Variants in CHST11 observed in about 807,000 individuals in gnomAD.
The protein encoded by CHST11 is C4S-1.
CHST11 carries 9 observed loss-of-function variants against 30.4 expected under a neutral mutation model. The observed-to-expected ratio is 0.30, with a 90% CI of 0.18 to 0.52. CHST11 has a LOEUF of 0.52. CHST11 is among the 20% of genes least tolerant of loss of function. The pLI is 0.97. For missense variants in CHST11, 348 were observed against 460.6 expected, an observed-to-expected ratio of 0.76 and a Z score of 2.24; for synonymous variants, 152 against 187.8, an observed-to-expected ratio of 0.81 and a Z score of 1.56.
At chr12:104,675,346 C>T (rs745950069) in intron 2 of CHST11, among the ~76,000 whole-genome samples, 44 of 152,192 alleles carry the variant, frequency 2.9e-4, no homozygotes, top group Non-Finnish European at 5.9e-5. Context: ...CTCATGTGCC[C>T]TCTCTACAAG....
intron 2 of CHST11, among the ~76,000 whole-genome samples, chr12:104,702,162 T>C (rs1592847401): frequency 6.6e-6 from 1 of 152,348 alleles, no homozygotes; most frequent in South Asian, 2.1e-4. Context: ...TAGTGTTTAA[T>C]TCACCCTACC....
chr12:104,538,014 G>C (rs1329840725), intron 1 of CHST11, among the ~76,000 whole-genome samples: 2 of 152,042 alleles, frequency 1.3e-5, no homozygotes, highest in Admixed American at 6.6e-5. Flanking sequence ...ACATTAGTAT[G>C]GTACATTTGT....
intron 1 of CHST11, among the ~76,000 whole-genome samples, chr12:104,511,972 C>T (rs1023139429): frequency 2.0e-5 from 3 of 152,162 alleles, no homozygotes; most frequent in Admixed American, 1.3e-4. Flanking sequence ...TACTTTAAGT[C>T]ATCTCCAGAT....
intron 2 of CHST11, among the ~76,000 whole-genome samples, chr12:104,636,168 A>T (rs2039321656): frequency 6.6e-6 from 1 of 152,212 alleles, no homozygotes; most frequent in Admixed American, 6.5e-5. Context: ...AGGCCAGATC[A>T]GATCCAAGCA....
intron 2 of CHST11, among the ~76,000 whole-genome samples, chr12:104,733,620 A>C (rs1318644350): frequency 6.6e-6 from 1 of 152,248 alleles, no homozygotes; most frequent in Non-Finnish European, 1.5e-5. Context: ...AGTTCTTGTC[A>C]TCAAAAGTAA....
At chr12:104,497,597 G>A (rs1238059076) in intron 1 of CHST11, among the ~76,000 whole-genome samples, 1 of 152,154 alleles carries the variant, frequency 6.6e-6, no homozygotes, top group Admixed American at 6.5e-5. Flanking sequence ...TTTACATCCT[G>A]TTTTCTCTAC....
chr12:104,653,121 T>G (rs192946890), intron 2 of CHST11, among the ~76,000 whole-genome samples: 175 of 152,300 alleles, frequency 1.1e-3, no homozygotes, highest in Admixed American at 2.7e-3. Context: ...ACATGGAATC[T>G]CTATACCGTT....
chr12:104,457,216 C>A lies in CHST11; in HGVS notation c.-196C>A. ...TCCACGCATCTCAGCACTTCCAGACCAACTCCGGCACCTTCCACACCCCTG... is the reference window on the plus strand; with the variant it reads ...TCCACGCATCTCAGCACTTCCAGACAAACTCCGGCACCTTCCACACCCCTG... On this transcript the variant is annotated 5_prime_UTR_variant, in exon 1 of 3. Transcript: ENST00000303694. The A allele has an allele frequency of 1.9e-6, 1 of 513,996 alleles. No individual in the cohort carries two copies. The highest frequency in any genetic ancestry group is 3.5e-6 in the Non-Finnish European group (1 of 286,572). 31.8% of individuals were successfully genotyped at this position (513,996 alleles called of 1,614,324 possible). A position where few individuals can be genotyped will look rare whatever the true frequency, so the allele number is the denominator to read the frequency against.
intron 1 of CHST11, among the ~76,000 whole-genome samples, chr12:104,467,937 C>T (rs2037473635): frequency 6.6e-6 from 1 of 152,120 alleles, no homozygotes; most frequent in Admixed American, 6.5e-5. Flanking sequence ...TTGGCTGTTC[C>T]CTATATCCAT....
intron 1 of CHST11, among the ~76,000 whole-genome samples, chr12:104,551,509 C>T (rs2038404480): frequency 6.6e-6 from 1 of 152,030 alleles, no homozygotes; most frequent in South Asian, 2.1e-4. Context: ...AGTTTCAGTC[C>T]CTTTGAGGTC....
intron 2 of CHST11, among the ~76,000 whole-genome samples, chr12:104,665,324 G>C (rs10861265): frequency 0.3 from 46,385 of 152,110 alleles, 7,246 homozygotes; most frequent in South Asian, 0.37. Flanking sequence ...CAGAACTTTG[G>C]GAGGAGCAAG....
chr12:104,669,219 C>T (rs2039668546), intron 2 of CHST11, among the ~76,000 whole-genome samples: 1 of 152,218 alleles, frequency 6.6e-6, no homozygotes. Flanking sequence ...CTCCCCTCCC[C>T]TTCTCCTGCC....
intron 1 of CHST11, among the ~76,000 whole-genome samples, chr12:104,474,338 T>A (rs7307796): frequency 0.77 from 116,441 of 152,132 alleles, 45,187 homozygotes; most frequent in African/African-American, 0.9. Context: ...AACAGCTTTC[T>A]TTGGGAGAGT....
intron 2 of CHST11, 82 bp downstream of exon 2, chr12:104,602,073 T>C (rs2038961948): frequency 9.7e-7 from 1 of 1,025,730 alleles, no homozygotes. Flanking sequence ...TTGTGGTCTT[T>C]GGGGGATTTA....
In CHST11 at chr12:104,457,110, C is replaced by T. The variant is rs990014109; in HGVS notation, c.-302C>T. ...CGCACCCCAGCCGCCCGGCCCGCGACCAGGCAGCGGCGGCCGCCGGCGGGA... is the reference window on the plus strand; with the variant it reads ...CGCACCCCAGCCGCCCGGCCCGCGATCAGGCAGCGGCGGCCGCCGGCGGGA... On this transcript the variant is annotated 5_prime_UTR_variant, in exon 1 of 3. Transcript: ENST00000303694. 2 of 236,346 alleles carry T rather than the reference C, an allele frequency of 8.5e-6. No individual in the cohort carries two copies. The highest frequency in any genetic ancestry group is 1.6e-5 in the Non-Finnish European group (2 of 122,928). 14.6% of individuals were successfully genotyped at this position (236,346 alleles called of 1,614,324 possible). A position where few individuals can be genotyped will look rare whatever the true frequency, so the allele number is the denominator to read the frequency against.
At chr12:104,477,643 G>A (rs2037576305) in intron 1 of CHST11, among the ~76,000 whole-genome samples, 1 of 152,150 alleles carries the variant, frequency 6.6e-6, no homozygotes. Context: ...GGAGGACACA[G>A]TGAGAACCAG....
intron 1 of CHST11, among the ~76,000 whole-genome samples, chr12:104,513,656 AGATG>A: frequency 6.6e-6 from 1 of 152,302 alleles, no homozygotes; most frequent in East Asian, 1.9e-4. Flanking sequence ...CTGTGCCATA[AGATG>A]GATGAGGCCC....
chr12:104,643,420 T>TA (rs1475396269), intron 2 of CHST11, among the ~76,000 whole-genome samples: 9 of 152,212 alleles, frequency 5.9e-5, no homozygotes, highest in Non-Finnish European at 1.0e-4. Context: ...GAGGGTTAGA[T>TA]ACGTCAGATG....
At chr12:104,549,275 G>A (rs761475464) in intron 1 of CHST11, among the ~76,000 whole-genome samples, 2 of 152,160 alleles carry the variant, frequency 1.3e-5, no homozygotes, top group South Asian at 2.1e-4. Context: ...ATTATGGATC[G>A]ACATGCTCCT....
Sources: allele counts gnomAD v4.1 joint callset (sites outside exome capture counted in the v4.1 genomes callset), GRCh38; gene constraint gnomAD v4.1.1; transcripts MANE v1.5; gene names NCBI Gene and HGNC (gene_info 2026-07-23, HGNC 2026-07-21).